ATAD2B: variants seen among roughly 807,000 people sequenced by gnomAD.
ATAD2B encodes ATPase family AAA domain containing 2B.
A neutral mutation model predicts 167.6 loss-of-function variants in ATAD2B; 40 were observed. That is an observed-to-expected ratio of 0.24 (90% CI 0.19 to 0.31). ATAD2B has a LOEUF of 0.31. ATAD2B is among the 10% of genes least tolerant of loss of function. The probability of loss-of-function intolerance (pLI) is 1.00; values close to 1 mark genes in which losing one functional copy is unlikely to be tolerated. For synonymous variants in ATAD2B, 579 were observed against 596.5 expected, an observed-to-expected ratio of 0.97 and a Z score of 0.43; for missense variants, 1,242 against 1,757.2, an observed-to-expected ratio of 0.71 and a Z score of 5.24.
intron 1 of ATAD2B, among the ~76,000 whole-genome samples, chr2:23,924,565 AGTT>A (rs1219607277): frequency 1.3e-5 from 2 of 152,252 alleles, no homozygotes. Flanking sequence ...ATGTAAGAGT[AGTT>A]ACGTCTCTAA....
At chr2:23,875,789 T>C (rs755311709) in intron 8 of ATAD2B, 40 bp downstream of exon 8, 39 of 1,358,312 alleles carry the variant, frequency 2.9e-5, no homozygotes, top group African/African-American at 2.0e-4. Context: ...TAGTCTCTCA[T>C]TGACAAATGC....
At chr2:23,760,751 T>TACAC (rs202241182) in intron 24 of ATAD2B, among the ~76,000 whole-genome samples, 1,701 of 99,812 alleles carry the variant, frequency 0.017, 21 homozygotes, top group African/African-American at 0.042. Flanking sequence ...CACACACACA[T>TACAC]ACACACACAC....
chr2:23,888,516 T>C, intron 2 of ATAD2B, 117 bp from the exon 3 acceptor site: 2 of 635,370 alleles, frequency 3.1e-6, no homozygotes. Context: ...TAAAGATAAC[T>C]TTTTTTACTG....
At chr2:23,779,070 T>C (rs1054500507) in intron 22 of ATAD2B, among the ~76,000 whole-genome samples, 3 of 152,238 alleles carry the variant, frequency 2.0e-5, no homozygotes, top group East Asian at 3.9e-4. Context: ...ATCCATCCTG[T>C]TACAGGATGG....
At chr2:23,816,575 T>C (rs1686487919) in intron 17 of ATAD2B, among the ~76,000 whole-genome samples, 1 of 152,182 alleles carries the variant, frequency 6.6e-6, no homozygotes, top group Non-Finnish European at 1.5e-5. Flanking sequence ...TATGGGTCTA[T>C]ACATTATACA....
intron 13 of ATAD2B, 36 bp downstream of exon 13, chr2:23,857,363 CCAAGTCAATGCGTAAA>C: frequency 9.7e-7 from 1 of 1,026,420 alleles, no homozygotes; most frequent in Non-Finnish European, 1.4e-6. Context: ...AGGCTAACTA[CCAAGTCAATGCGTAAA>C]AAAGAAATCA....
chr2:23,730,143 G>C, the ATAD2B span, among the ~76,000 whole-genome samples: 1 of 152,046 alleles, frequency 6.6e-6, no homozygotes, highest in Non-Finnish European at 1.5e-5. Flanking sequence ...CATTCACCAA[G>C]ATAGATTGCA....
downstream of ATAD2B, among the ~76,000 whole-genome samples, chr2:23,745,697 G>T (rs549527826): frequency 3.9e-5 from 6 of 152,110 alleles, no homozygotes; most frequent in Admixed American, 6.5e-5. Flanking sequence ...ATAATTAAAT[G>T]GTTAATGCTT....
the ATAD2B span, among the ~76,000 whole-genome samples, chr2:23,682,582 G>C: frequency 2.4e-4 from 36 of 152,188 alleles, no homozygotes; most frequent in African/African-American, 8.2e-4. The surrounding 1 kb of genome is among the most constrained non-coding windows in gnomAD (Gnocchi z 4.1). Context: ...AGGCAAGACT[G>C]TTGCGATCTG....
intron 20 of ATAD2B, chr2:23,788,247 T>C (rs1189625963): frequency 2.6e-6 from 1 of 379,002 alleles, no homozygotes; most frequent in Non-Finnish European, 4.8e-6. Context: ...CTATGACTTT[T>C]TGAGCCCCAT....
intron 18 of ATAD2B, among the ~76,000 whole-genome samples, chr2:23,800,947 A>G (rs1683401514): frequency 6.6e-6 from 1 of 152,078 alleles, no homozygotes; most frequent in Non-Finnish European, 1.5e-5. Flanking sequence ...TTGAGAATTA[A>G]CCTAACTACA....
At chr2:23,706,705 G>C in the ATAD2B span, 1 of 1,393,140 alleles carries the variant, frequency 7.2e-7, no homozygotes, top group African/African-American at 1.5e-5. Flanking sequence ...GACAAGTCTG[G>C]TGAGGCAAGT....
intron 1 of ATAD2B, among the ~76,000 whole-genome samples, chr2:23,909,423 T>TATAC (rs1326072874): frequency 9.4e-5 from 14 of 149,470 alleles, no homozygotes; most frequent in South Asian, 2.1e-4. Flanking sequence ...TATATATATA[T>TATAC]ATACATACAT....
intron 1 of ATAD2B, among the ~76,000 whole-genome samples, chr2:23,922,832 G>A (rs571525934): frequency 2.0e-5 from 3 of 152,142 alleles, no homozygotes; most frequent in African/African-American, 7.2e-5. Context: ...CTGTCAAAAT[G>A]GCTCTTGTCA....
chr2:23,926,479 C>T (rs548034412), intron 1 of ATAD2B, 76 bp downstream of exon 1: 8 of 1,498,452 alleles, frequency 5.3e-6, no homozygotes, highest in African/African-American at 1.4e-5. Flanking sequence ...CTTCCTACCC[C>T]CAACCCGGCC....
At chr2:23,870,906 G>A (rs944043146) in intron 8 of ATAD2B, among the ~76,000 whole-genome samples, 11 of 151,866 alleles carry the variant, frequency 7.2e-5, no homozygotes, top group African/African-American at 2.7e-4. Context: ...TCATCACGAA[G>A]GAAAAATAAT....
At position 23,857,402 on chromosome 2, in the gene ATAD2B, A is replaced by G; in HGVS notation, c.1568+13T>C. ...AAAAAAGAAATCAAGATAATCAGAT[A>G]AAGAAAAATTACCTGTGGATCTGAT... On this transcript the variant is annotated intron_variant, in intron 13 of 27. Coordinates refer to ENST00000238789, the MANE Select transcript of ATAD2B (RefSeq NM_017552.4). 1 of 1,439,710 alleles carries G rather than the reference A, an allele frequency of 6.9e-7. No homozygotes were observed. The highest frequency in any genetic ancestry group is 9.3e-7 in the Non-Finnish European group (1 of 1,072,924). The allele number at this position is 1,439,710 out of a possible 1,614,324, so 89.2% of individuals were successfully genotyped here. A position where few individuals can be genotyped will look rare whatever the true frequency, so the allele number is the denominator to read the frequency against.
chr2:23,760,112 G>A (rs574793645), intron 24 of ATAD2B, among the ~76,000 whole-genome samples: 1 of 152,232 alleles, frequency 6.6e-6, no homozygotes, highest in Admixed American at 6.5e-5. Context: ...GAGCCCTGCT[G>A]AAGCAAGTTA....
At chr2:23,837,236 C>T (rs1558633170) in intron 13 of ATAD2B, among the ~76,000 whole-genome samples, 1 of 152,354 alleles carries the variant, frequency 6.6e-6, no homozygotes, top group East Asian at 1.9e-4. Context: ...AACACCCAGG[C>T]TTGGCCCCAA....
Sources: allele counts gnomAD v4.1 joint callset (sites outside exome capture counted in the v4.1 genomes callset), GRCh38; gene constraint gnomAD v4.1.1; non-coding constraint Gnocchi (gnomAD v3.1); transcripts MANE v1.5; gene names NCBI Gene and HGNC (gene_info 2026-07-23, HGNC 2026-07-21).